Variants in VAV3 observed in about 807,000 individuals in gnomAD.
VAV3 encodes the protein vav guanine nucleotide exchange factor 3.
Under a neutral mutation model 131.2 loss-of-function variants are expected in VAV3, and 94 were observed. That is an observed-to-expected ratio of 0.72 (90% CI 0.61 to 0.85). The LOEUF (loss-of-function observed/expected upper bound fraction) is 0.85, where lower values mean the gene tolerates loss of function less well. Ranked by LOEUF, VAV3 falls within the 40% of genes least tolerant of loss-of-function variation. VAV3 has a pLI of 0.00. For synonymous variants in VAV3, 349 were observed against 342.0 expected (o/e 1.02, Z -0.22); for missense variants, 939 against 1,002.7 (o/e 0.94, Z 0.86).
chr1:107,576,108 T>G (rs1421152390), intron 25 of VAV3, among the ~76,000 whole-genome samples: 1 of 152,140 alleles, frequency 6.6e-6, no homozygotes, highest in Non-Finnish European at 1.5e-5. Flanking sequence ...TTATAGATTT[T>G]TCATCCCCCT....
intron 1 of VAV3, among the ~76,000 whole-genome samples, chr1:107,906,189 T>A (rs1272407940): frequency 6.6e-6 from 1 of 152,184 alleles, no homozygotes; most frequent in Non-Finnish European, 1.5e-5. Context: ...CACAGCCACT[T>A]ACAGAAATGC....
intron 17 of VAV3, 117 bp from the exon 18 acceptor site, chr1:107,688,523 TG>T: frequency 6.4e-7 from 1 of 1,556,834 alleles, no homozygotes; most frequent in Non-Finnish European, 8.7e-7. Context: ...AACTGATACC[TG>T]TAATATATTT....
chr1:107,913,541 T>C (rs1401876569), intron 1 of VAV3, among the ~76,000 whole-genome samples: 3 of 152,244 alleles, frequency 2.0e-5, no homozygotes, highest in Admixed American at 1.3e-4. Context: ...AGGAAATGCA[T>C]TGACCTTAAA....
intron 19 of VAV3, among the ~76,000 whole-genome samples, chr1:107,673,163 C>CT (rs936933178): frequency 7.9e-5 from 12 of 152,132 alleles, no homozygotes; most frequent in African/African-American, 2.4e-4. Flanking sequence ...AACCCACTTC[C>CT]TTTTTTCTGA....
At chr1:107,671,800 C>G (rs2504466) in intron 19 of VAV3, among the ~76,000 whole-genome samples, 96,192 of 151,566 alleles carry the variant, frequency 0.63, 31,397 homozygotes, top group African/African-American at 0.79. Flanking sequence ...ACAAAACTGA[C>G]TATTTCAATA....
chr1:107,765,265 C>A, intron 8 of VAV3, 90 bp from the exon 9 acceptor site: 1 of 1,022,566 alleles, frequency 9.8e-7, no homozygotes, highest in Non-Finnish European at 1.5e-6. Flanking sequence ...CTCTTTAAAA[C>A]CATTGTTAGG....
At chr1:107,593,950 T>C (rs532883377) in intron 25 of VAV3, among the ~76,000 whole-genome samples, 75 of 152,222 alleles carry the variant, frequency 4.9e-4, no homozygotes, top group African/African-American at 1.8e-3. Flanking sequence ...AAGAGCACTA[T>C]GCTAAGTGCT....
intron 15 of VAV3, among the ~76,000 whole-genome samples, chr1:107,748,218 T>A (rs571180860): frequency 6.6e-6 from 1 of 152,314 alleles, no homozygotes; most frequent in Non-Finnish European, 1.5e-5. Flanking sequence ...CAAATGTAGT[T>A]TTCCTTAATT....
chr1:107,825,968 A>G (rs564142665), intron 2 of VAV3, among the ~76,000 whole-genome samples: 60 of 152,178 alleles, frequency 3.9e-4, no homozygotes, highest in Non-Finnish European at 7.9e-4. Context: ...GGAGGAAAGG[A>G]ATCATTTCTT....
chr1:107,576,290 G>T, intron 25 of VAV3: 1 of 942,656 alleles, frequency 1.1e-6, no homozygotes, highest in Non-Finnish European at 1.5e-6. Context: ...GGGATTGTCT[G>T]TGAGGAGATG....
At chr1:107,962,814 G>A (rs755572902) in intron 1 of VAV3, among the ~76,000 whole-genome samples, 1 of 152,194 alleles carries the variant, frequency 6.6e-6, no homozygotes, top group Non-Finnish European at 1.5e-5. Flanking sequence ...GCACAAAGAA[G>A]GTCATTAGCT....
chr1:107,838,749 G>A (rs1269986479), intron 2 of VAV3, among the ~76,000 whole-genome samples: 1 of 152,078 alleles, frequency 6.6e-6, no homozygotes, highest in East Asian at 1.9e-4. Context: ...TACACCATGG[G>A]ATACTGTGCA....
intron 19 of VAV3, among the ~76,000 whole-genome samples, chr1:107,665,266 T>C (rs1657330592): frequency 1.3e-5 from 2 of 152,130 alleles, no homozygotes; most frequent in African/African-American, 4.8e-5. Context: ...ATATGGGGGT[T>C]GAGAGTGGTT....
rs1179555534 is a variant in VAV3, at chr1:107,572,218, A to AG, written c.*1112dup. The AG allele has an allele frequency of 7.2e-5, 11 of 152,310 alleles. No homozygotes were observed. The highest frequency in any genetic ancestry group is 2.2e-4 in the African/African-American group (9 of 41,560). 9.4% of individuals were successfully genotyped at this position (152,310 alleles called of 1,614,324 possible). A position where few individuals can be genotyped will look rare whatever the true frequency, so the allele number is the denominator to read the frequency against. ...AATACACTCCCAGGATGGGCTGCAG[A>AG]GGGGGAGACTCTGAGAGAAGCTGGA... On this transcript the variant is annotated 3_prime_UTR_variant, in exon 27 of 27. Coordinates refer to ENST00000370056, the MANE Select transcript of VAV3 (RefSeq NM_006113.5).
At chr1:107,889,360 T>C (rs182096541) in intron 1 of VAV3, among the ~76,000 whole-genome samples, 3 of 152,240 alleles carry the variant, frequency 2.0e-5, no homozygotes, top group Admixed American at 6.5e-5. Flanking sequence ...CACAGAAATG[T>C]AATGGCATGA....
chr1:107,631,982 G>A (rs1313039674), intron 20 of VAV3, among the ~76,000 whole-genome samples: 1 of 151,932 alleles, frequency 6.6e-6, no homozygotes, highest in Non-Finnish European at 1.5e-5. Flanking sequence ...TAATCTTTTG[G>A]GTATATACCC....
At chr1:107,770,761 A>T in intron 5 of VAV3, 33 bp from the exon 6 acceptor site, 2 of 1,518,736 alleles carry the variant, frequency 1.3e-6, no homozygotes, top group Non-Finnish European at 1.8e-6. Context: ...AAAATGATTT[A>T]ATAAAATCAT....
At chr1:107,872,136 G>A (rs995947836) in intron 2 of VAV3, among the ~76,000 whole-genome samples, 1 of 152,068 alleles carries the variant, frequency 6.6e-6, no homozygotes, top group African/African-American at 2.4e-5. Context: ...AGAAGCCAGA[G>A]GCCTGAGCTC....
chr1:107,940,290 A>C (rs925990635), intron 1 of VAV3, among the ~76,000 whole-genome samples: 2 of 152,228 alleles, frequency 1.3e-5, no homozygotes, highest in East Asian at 1.9e-4. Flanking sequence ...AAGAATTATA[A>C]GGTCAGGCAA....
Sources: allele counts gnomAD v4.1 joint callset (sites outside exome capture counted in the v4.1 genomes callset), GRCh38; gene constraint gnomAD v4.1.1; transcripts MANE v1.5; gene names NCBI Gene and HGNC (gene_info 2026-07-23, HGNC 2026-07-21).